Variants in SULF1 observed in about 807,000 individuals in gnomAD.
SULF1 encodes sulfatase 1.
Under a neutral mutation model 110.5 loss-of-function variants are expected in SULF1, and 46 were observed. The ratio of observed to expected loss-of-function variants is 0.42; its 90% CI spans 0.33 to 0.53. The LOEUF (loss-of-function observed/expected upper bound fraction) is 0.53, where lower values mean the gene tolerates loss of function less well. Ranked by LOEUF, SULF1 falls within the 20% of genes least tolerant of loss-of-function variation. The pLI is 0.12. For synonymous variants in SULF1, 371 were observed against 387.1 expected, an observed-to-expected ratio of 0.96 and a Z score of 0.49; for missense variants, 941 against 1,094.2, an observed-to-expected ratio of 0.86 and a Z score of 1.98.
intron 3 of SULF1, among the ~76,000 whole-genome samples, chr8:69,544,052 A>G (rs1394231726): frequency 6.6e-6 from 1 of 152,212 alleles, no homozygotes; most frequent in Non-Finnish European, 1.5e-5. Flanking sequence ...GTTATGCATA[A>G]ATCAAATTGG....
chr8:69,483,773 G>T (rs534230666), intron 1 of SULF1, among the ~76,000 whole-genome samples: 61 of 152,216 alleles, frequency 4.0e-4, no homozygotes, highest in African/African-American at 1.5e-3. Flanking sequence ...CTGGGCAACA[G>T]AGCAAGACCC....
intron 1 of SULF1, among the ~76,000 whole-genome samples, chr8:69,477,967 C>T (rs907309628): frequency 6.6e-6 from 1 of 152,004 alleles, no homozygotes; most frequent in Non-Finnish European, 1.5e-5. Flanking sequence ...ATAGATCCTC[C>T]CACCTCAGCC....
At chr8:69,546,328 C>T (rs530606608) in intron 3 of SULF1, among the ~76,000 whole-genome samples, 2 of 152,158 alleles carry the variant, frequency 1.3e-5, no homozygotes, top group African/African-American at 4.8e-5. Context: ...TGTGCCTTAT[C>T]ATTATTGTAT....
At chr8:69,526,780 G>A (rs1271317436) in intron 3 of SULF1, among the ~76,000 whole-genome samples, 1 of 132,010 alleles carries the variant, frequency 7.6e-6, no homozygotes, top group African/African-American at 2.8e-5. Context: ...GACAGAGTGA[G>A]ACCCTGTGTC....
intron 6 of SULF1, among the ~76,000 whole-genome samples, chr8:69,579,854 C>G (rs1043078146): frequency 6.6e-6 from 1 of 152,110 alleles, no homozygotes; most frequent in Non-Finnish European, 1.5e-5. Flanking sequence ...TGTAAAGATT[C>G]TATTGCTTTC....
intron 15 of SULF1, among the ~76,000 whole-genome samples, chr8:69,626,812 G>A (rs1810099432): frequency 6.6e-6 from 1 of 152,210 alleles, no homozygotes; most frequent in South Asian, 2.1e-4. Context: ...CAGCTGGCCC[G>A]CAAGCACCGC....
intron 19 of SULF1, among the ~76,000 whole-genome samples, chr8:69,635,659 T>G (rs1275241083): frequency 2.6e-5 from 4 of 151,748 alleles, no homozygotes; most frequent in African/African-American, 9.7e-5. Context: ...ATCGCTTGAG[T>G]GTCGGAGTTC....
intron 6 of SULF1, among the ~76,000 whole-genome samples, chr8:69,579,763 T>C (rs1805935549): frequency 6.6e-6 from 1 of 152,268 alleles, no homozygotes. Flanking sequence ...GGCAGGAATC[T>C]TAGAAAATTA....
chr8:69,519,221 G>A (rs184433245), intron 3 of SULF1, among the ~76,000 whole-genome samples: 94 of 152,152 alleles, frequency 6.2e-4, no homozygotes, highest in African/African-American at 2.1e-3. Flanking sequence ...TTTTCTCCCC[G>A]CAAGGCAGTG....
chr8:69,519,806 T>A (rs1812169492), intron 3 of SULF1, among the ~76,000 whole-genome samples: 1 of 152,164 alleles, frequency 6.6e-6, no homozygotes, highest in East Asian at 1.9e-4. Context: ...ATGCATTGAG[T>A]TGGTCTTTTA....
intron 3 of SULF1, among the ~76,000 whole-genome samples, chr8:69,506,032 T>C (rs1268926530): frequency 1.3e-5 from 2 of 152,182 alleles, no homozygotes; most frequent in Non-Finnish European, 2.9e-5. Context: ...TAGGGTATTA[T>C]CTAATATTTT....
intron 3 of SULF1, among the ~76,000 whole-genome samples, chr8:69,513,361 C>T (rs1385414607): frequency 6.6e-6 from 1 of 152,180 alleles, no homozygotes; most frequent in Admixed American, 6.5e-5. Context: ...TCTGGGCTGG[C>T]ATCTGTCTTA....
intron 13 of SULF1, among the ~76,000 whole-genome samples, chr8:69,613,175 C>T (rs1337255810): frequency 1.3e-5 from 2 of 151,908 alleles, no homozygotes; most frequent in Admixed American, 6.6e-5. Flanking sequence ...AAGTATTTGG[C>T]TTTATTTCTG....
intron 8 of SULF1, chr8:69,593,036 G>A (rs2130322152): frequency 1.1e-6 from 1 of 906,950 alleles, no homozygotes; most frequent in Non-Finnish European, 1.3e-6. Flanking sequence ...AAATTCATGT[G>A]ATTGTTTGAA....
chr8:69,648,467 G>A (rs1232883240), intron 22 of SULF1, among the ~76,000 whole-genome samples: 1 of 152,186 alleles, frequency 6.6e-6, no homozygotes, highest in African/African-American at 2.4e-5. Context: ...CATAATGGAG[G>A]GGTTCACACA....
chr8:69,604,651 T>C (rs1319702450), intron 12 of SULF1, 152 bp from the exon 13 acceptor site: 1 of 899,558 alleles, frequency 1.1e-6, no homozygotes, highest in African/African-American at 1.7e-5. Flanking sequence ...CCATCAAATG[T>C]TGAACTCCTG....
At chr8:69,527,165 A>T (rs556792772) in intron 3 of SULF1, among the ~76,000 whole-genome samples, 1 of 152,106 alleles carries the variant, frequency 6.6e-6, no homozygotes, top group Non-Finnish European at 1.5e-5. Context: ...AGAGTATACA[A>T]GGACTCTTCA....
At chr8:69,534,787 C>G (rs769548784) in intron 3 of SULF1, among the ~76,000 whole-genome samples, 1 of 151,654 alleles carries the variant, frequency 6.6e-6, no homozygotes, top group East Asian at 1.9e-4. Context: ...TACATTGATA[C>G]AACTGACGTC....
intron 6 of SULF1, among the ~76,000 whole-genome samples, chr8:69,578,293 C>G (rs7829341): frequency 3.9e-5 from 6 of 152,128 alleles, no homozygotes; most frequent in Admixed American, 1.3e-4. Flanking sequence ...TTTACACCCA[C>G]AAGAATAAAG....
Sources: allele counts gnomAD v4.1 joint callset (sites outside exome capture counted in the v4.1 genomes callset), GRCh38; gene constraint gnomAD v4.1.1; transcripts MANE v1.5; gene names NCBI Gene and HGNC (gene_info 2026-07-23, HGNC 2026-07-21).